IFT88: variants seen among roughly 807,000 people sequenced by gnomAD.
IFT88 encodes intraflagellar transport protein 88 homolog.
IFT88 carries 74 observed loss-of-function variants against 119.5 expected under a neutral mutation model. That is an observed-to-expected ratio of 0.62 (90% CI 0.51 to 0.75). The LOEUF is 0.75. IFT88 is among the 30% of genes least tolerant of loss of function. IFT88 has a pLI of 0.00. For missense variants in IFT88, 961 were observed against 977.7 expected, an observed-to-expected ratio of 0.98 and a Z score of 0.23; for synonymous variants, 279 against 316.7, an observed-to-expected ratio of 0.88 and a Z score of 1.26.
chr13:20,568,104 C>A, intron 1 of IFT88: 1 of 672,242 alleles, frequency 1.5e-6, no homozygotes. Context: ...GTGCCACGTG[C>A]GGGCCGGGGT....
intron 24 of IFT88, among the ~76,000 whole-genome samples, chr13:20,687,992 A>G (rs1190642960): frequency 6.6e-6 from 1 of 152,238 alleles, no homozygotes; most frequent in Non-Finnish European, 1.5e-5. Flanking sequence ...AATCCCTGTC[A>G]CAAAGCTAGG....
At chr13:20,646,216 T>C (rs1474223828) in intron 20 of IFT88, among the ~76,000 whole-genome samples, 1 of 152,204 alleles carries the variant, frequency 6.6e-6, no homozygotes, top group Non-Finnish European at 1.5e-5. Flanking sequence ...CCTAACTCCA[T>C]TGATCTTTAC....
intron 3 of IFT88, among the ~76,000 whole-genome samples, chr13:20,585,393 G>A (rs1317761228): frequency 1.3e-5 from 2 of 152,230 alleles, no homozygotes; most frequent in African/African-American, 4.8e-5. Flanking sequence ...GGGCCTAGGA[G>A]TGGTCCAAAC....
In IFT88 at chr13:20,599,543, C is replaced by A; in HGVS notation, c.790C>A (p.Pro264Thr). Residue 264 changes from proline to threonine, a missense_variant, in exon 11 of 26, where the codon CCA becomes ACA. Coordinates refer to ENST00000351808, the MANE Select transcript of IFT88 (RefSeq NM_006531.5). ...KFYRMALDQV[P>T]SVNKQMRIKI... Reference sequence around the variant, plus strand: ...CTACCGAATGGCATTAGACCAAGTTCCAAGTGTCAATAAGCAAATGAGGTA... The same window carrying A: ...CTACCGAATGGCATTAGACCAAGTTACAAGTGTCAATAAGCAAATGAGGTA... 1 of 1,525,036 alleles carries A rather than the reference C, an allele frequency of 6.6e-7. No homozygotes were observed. Among genetic ancestry groups the A allele is most frequent in the Non-Finnish European group, 9.0e-7 (1 of 1,112,350 alleles). The allele number at this position is 1,525,036 out of a possible 1,614,324, so 94.5% of individuals were successfully genotyped here.
At chr13:20,635,681 A>C (rs1448048497) in intron 16 of IFT88, among the ~76,000 whole-genome samples, 1 of 152,166 alleles carries the variant, frequency 6.6e-6, no homozygotes, top group Admixed American at 6.5e-5. Context: ...CAATGAGAAC[A>C]CATGGACACA....
intron 13 of IFT88, among the ~76,000 whole-genome samples, chr13:20,614,817 CTTTT>C (rs762297940): frequency 4.0e-4 from 50 of 125,852 alleles, no homozygotes; most frequent in African/African-American, 1.3e-3. Context: ...TATTTCTTTT[CTTTT>C]TTTTTTTTTT....
chr13:20,641,373 G>A lies in IFT88; in HGVS notation c.1657G>A (p.Glu553Lys), dbSNP rs777984685. The change falls in exon 18 of 26, where the codon GAA becomes AAA. Residue 553 changes from glutamate to lysine, a missense_variant. By Grantham distance (56) the Glu-to-Lys change is moderately conservative (BLOSUM62 1). Transcript: ENST00000351808. Reference protein sequence around the residue: ...KLHAILRNSAEVLYQIANIYE... With the variant: ...KLHAILRNSAKVLYQIANIYE... ...TCACGCAATCCTACGAAACAGTGCC[G>A]AAGTTCTTTACCAGATAGCAAATAT... 10 of 1,609,992 alleles carry A rather than the reference G, an allele frequency of 6.2e-6. No homozygotes were observed. The highest frequency in any genetic ancestry group is 1.1e-5 in the South Asian group (1 of 90,640).
At chr13:20,570,994 ATTAT>A (rs1010949155) in intron 1 of IFT88, among the ~76,000 whole-genome samples, 58 of 152,018 alleles carry the variant, frequency 3.8e-4, no homozygotes, top group African/African-American at 1.3e-3. Flanking sequence ...ATTTATTTTT[ATTAT>A]TTATTTATTT....
At chr13:20,568,186 A>T (rs2035342554) in intron 1 of IFT88, among the ~76,000 whole-genome samples, 1 of 152,206 alleles carries the variant, frequency 6.6e-6, no homozygotes, top group African/African-American at 2.4e-5. Context: ...ACTTAAAAAA[A>T]AAAAAGGTTT....
intron 21 of IFT88, 119 bp downstream of exon 21, chr13:20,654,047 T>C: frequency 2.1e-6 from 1 of 478,042 alleles, no homozygotes; most frequent in Non-Finnish European, 3.7e-6. Context: ...TTTTTATAAC[T>C]GTACATAATT....
chr13:20,595,528 G>A (rs2041496422), intron 7 of IFT88, among the ~76,000 whole-genome samples: 1 of 152,020 alleles, frequency 6.6e-6, no homozygotes, highest in Middle Eastern at 3.4e-3. Flanking sequence ...GACCTCAAGT[G>A]ATCTACCTGC....
chr13:20,667,712 G>A (rs1159755542), intron 23 of IFT88, among the ~76,000 whole-genome samples: 1 of 151,522 alleles, frequency 6.6e-6, no homozygotes, highest in Non-Finnish European at 1.5e-5. Context: ...AAAGTGCTGG[G>A]ATTACAGGTG....
chr13:20,674,161 G>T (rs910615119), intron 24 of IFT88, among the ~76,000 whole-genome samples: 1 of 152,124 alleles, frequency 6.6e-6, no homozygotes, highest in Non-Finnish European at 1.5e-5. Context: ...TCCAAGGCTG[G>T]CCCTGGCTGT....
Position 20,643,560 on chromosome 13 carries a change from T to TGATCGTGAAGGAGATAAATCTCAAGC in IFT88, c.1789_1814dup (p.Phe606IlefsTer58), listed in dbSNP as rs1268276587. On this transcript the variant is annotated frameshift_variant, in exon 19 of 26. Transcript: ENST00000351808. LOFTEE classifies it high-confidence loss of function. ...TTTTATCTAAGCTAGGAGAATTATA[T>TGATCGTGAAGGAGATAAATCTCAAGC]GATCGTGAAGGAGATAAATCTCAAG... 3 of 1,610,472 alleles carry TGATCGTGAAGGAGATAAATCTCAAGC rather than the reference T, an allele frequency of 1.9e-6. No homozygotes were observed. The highest frequency in any genetic ancestry group is 2.5e-6 in the Non-Finnish European group (3 of 1,176,968).
rs374760141 is a variant in IFT88 at position 20,573,945 on chromosome 13, T to G, written c.-6-435T>G. Among the ~76,000 whole-genome samples, 117 of 152,332 alleles carry G rather than the reference T, an allele frequency of 7.7e-4. 2 individuals carry two copies. In the South Asian group the frequency reaches 0.021, roughly 27 times the overall value. ...TGTTTTGACATCTAGTTTTGGGAAT[T>G]TGATGTGAAAAAAATTGAAGCCATG... is the stretch of plus-strand genomic sequence containing the variant. On this transcript the variant is annotated intron_variant, in intron 1 of 25. Transcript: ENST00000351808.
intron 14 of IFT88, among the ~76,000 whole-genome samples, chr13:20,619,832 C>A (rs2046212432): frequency 6.6e-6 from 1 of 152,010 alleles, no homozygotes; most frequent in African/African-American, 2.4e-5. Context: ...CTTGTTTACA[C>A]CCCCACCAAC....
rs2042622776 is a variant in IFT88 at position 20,601,743 on chromosome 13, A to C, written c.851A>C (p.Gln284Pro). 1 of 1,611,632 alleles carries C rather than the reference A, an allele frequency of 6.2e-7. No individual in the cohort carries two copies. The highest frequency in any genetic ancestry group is 1.3e-5 in the African/African-American group (1 of 74,888). Reference protein sequence around the residue: ...IMQNIGVTFIQAGQYSDAINS... With the variant: ...IMQNIGVTFIPAGQYSDAINS... The stretch of plus-strand genomic sequence containing the variant: ...CAGAATATTGGAGTTACATTTATTC[A>C]GGCTGGTCAGTATTCAGATGCTATT... The change falls in exon 12 of 26, where the codon CAG (glutamine) becomes CCG (proline). Residue 284 changes from glutamine to proline, a missense_variant. By Grantham distance (76) the Gln-to-Pro change is moderately conservative. Transcript: ENST00000351808.
At position 20,625,752 on chromosome 13, in the gene IFT88, G is replaced by A. The variant is rs1326049842; in HGVS notation, c.1202G>A (p.Cys401Tyr). Residue 401 changes from cysteine to tyrosine, a missense_variant and splice_region_variant, in exon 15 of 26, where the codon TGC (cysteine) becomes TAC (tyrosine). Coordinates refer to ENST00000351808, the MANE Select transcript of IFT88 (RefSeq NM_006531.5). ...GTTTTTTATGCTTTCCCTTATAGGT[G>A]CGTGGAAGTGGTGAAAGCTTCTCAA... ...ETSFAAGYDW[C>Y]VEVVKASQYV... The A allele has an allele frequency of 3.1e-6, 5 of 1,593,938 alleles. No individual in the cohort carries two copies. The highest frequency in any genetic ancestry group is 4.3e-6 in the Non-Finnish European group (5 of 1,169,946).
At chr13:20,689,007 C>T (rs1321861052) in intron 24 of IFT88, among the ~76,000 whole-genome samples, 2 of 152,196 alleles carry the variant, frequency 1.3e-5, no homozygotes, top group Non-Finnish European at 2.9e-5. Flanking sequence ...CGATCTGGCT[C>T]ACTGTAGCCT....
Sources: gnomAD v4.1 joint callset for allele counts (sites outside exome capture counted in the v4.1 genomes callset) on GRCh38, gnomAD v4.1.1 for gene constraint, MANE v1.5 for transcripts, NCBI Gene and HGNC (gene_info 2026-07-23, HGNC 2026-07-21) for gene names.